Variants in ATP11C observed in about 807,000 individuals in gnomAD.
ATP11C encodes the protein phospholipid-transporting ATPase IG.
ATP11C carries 36 observed loss-of-function variants against 97.4 expected under a neutral mutation model. That is an observed-to-expected ratio of 0.37 (90% CI 0.28 to 0.49). The LOEUF (loss-of-function observed/expected upper bound fraction) is 0.49, where lower values mean the gene tolerates loss of function less well. Among genes scored for constraint, ATP11C ranks in the 20% least tolerant of loss-of-function variants. ATP11C has a pLI of 0.98. For synonymous variants in ATP11C, 275 were observed against 290.9 expected, an observed-to-expected ratio of 0.95 and a Z score of 0.56; for missense variants, 730 against 824.6, an observed-to-expected ratio of 0.89 and a Z score of 1.40.
chrX:139,734,437 G>A (rs972833368), intron 28 of ATP11C, among the ~76,000 whole-genome samples: 3 of 111,354 alleles, frequency 2.7e-5, no homozygotes, highest in East Asian at 2.8e-4. Context: ...AAGCTTCAGC[G>A]AAGTTAAGCC....
In ATP11C at chrX:139,737,793, G is replaced by T. The variant is rs946964757; in HGVS notation, c.3288+123C>A. ...TATGCAGAAGAGGAAATTAAGTGAT[G>T]AACCTGTAAGGAGGGGTTTAACATG... On this transcript the variant is annotated intron_variant, in intron 28 of 29. Coordinates refer to ENST00000682941, the MANE Select transcript of ATP11C (RefSeq NM_001353812.2). The T allele has an allele frequency of 1.4e-6, 1 of 728,613 alleles. No individual in the cohort carries two copies. Among genetic ancestry groups the T allele is most frequent in the Non-Finnish European group, 2.2e-6 (1 of 460,182 alleles). The allele number at this position is 728,613 out of a possible 1,213,427, so 60.0% of individuals were successfully genotyped here. A position where few individuals can be genotyped will look rare whatever the true frequency, so the allele number is the denominator to read the frequency against.
intron 15 of ATP11C, among the ~76,000 whole-genome samples, chrX:139,786,000 A>T (rs2082564994): frequency 9.0e-6 from 1 of 111,523 alleles, no homozygotes; most frequent in South Asian, 3.9e-4. Flanking sequence ...ACTCATCAAT[A>T]GGGGAATAGT....
In ATP11C at chrX:139,763,355, T is replaced by C; in HGVS notation, c.2455A>G (p.Asn819Asp). The change falls in exon 21 of 30, where the codon AAT becomes GAT. Residue 819 changes from asparagine (N) to aspartate (D), a missense_variant. Asn to Asp is a conservative substitution (Grantham distance 23). Coordinates refer to ENST00000682941, the MANE Select transcript of ATP11C (RefSeq NM_001353812.2). ...GATTCCAAGATCATACTAACATCAT[T>C]GGCACCATCACCTATCGACAGAGTT... ...PITLSIGDGA[N>D]DVSMILESHV... 1 of 1,210,846 alleles carries C rather than the reference T, an allele frequency of 8.3e-7. No individual in the cohort carries two copies. Among genetic ancestry groups the C allele is most frequent in the Non-Finnish European group, 1.1e-6 (1 of 894,456 alleles).
chrX:139,740,808 A>T (rs1320317723), intron 27 of ATP11C, among the ~76,000 whole-genome samples, 183 bp downstream of exon 27: 1 of 111,450 alleles, frequency 9.0e-6, no homozygotes. Flanking sequence ...GTGTATTTAA[A>T]ATCTTACCTG....
chrX:139,810,962 G>A (rs749557508), intron 5 of ATP11C, among the ~76,000 whole-genome samples: 1 of 107,520 alleles, frequency 9.3e-6, no homozygotes, highest in African/African-American at 3.4e-5. Flanking sequence ...TGACTACTAA[G>A]CTAAACTATA....
At chrX:139,865,511 C>T (rs2084265718) in intron 1 of ATP11C, among the ~76,000 whole-genome samples, 2 of 111,464 alleles carry the variant, frequency 1.8e-5, no homozygotes, top group African/African-American at 6.5e-5. Context: ...CCTGTAATTC[C>T]AGCACTTTGG....
intron 5 of ATP11C, among the ~76,000 whole-genome samples, chrX:139,810,793 T>A (rs1485004758): frequency 1.8e-5 from 2 of 111,091 alleles, no homozygotes; most frequent in Non-Finnish European, 3.8e-5. Flanking sequence ...ACTCTGCCTC[T>A]CTGAATTTTA....
chrX:139,832,398 A>C, intron 1 of ATP11C: 3 of 828,347 alleles, frequency 3.6e-6, no homozygotes, highest in Non-Finnish European at 4.8e-6. Context: ...TAAGAGCTCA[A>C]AGCAGTACTC....
At chrX:139,735,084 G>A (rs1352263577) in intron 28 of ATP11C, among the ~76,000 whole-genome samples, 1 of 111,619 alleles carries the variant, frequency 9.0e-6, no homozygotes, top group East Asian at 2.8e-4. Context: ...TATAACCAGA[G>A]TGAGAGCTGC....
chrX:139,863,795 C>T (rs993965038), intron 1 of ATP11C, among the ~76,000 whole-genome samples: 1 of 111,540 alleles, frequency 9.0e-6, no homozygotes, highest in African/African-American at 3.3e-5. Flanking sequence ...GGTGTGGTGG[C>T]TCACACCTAT....
chrX:139,787,293 A>AT (rs776609721), intron 14 of ATP11C, 49 bp from the exon 15 acceptor site: 5 of 1,026,971 alleles, frequency 4.9e-6, no homozygotes, highest in East Asian at 6.5e-5. Flanking sequence ...AGAATGATTA[A>AT]TTTTTTTATT....
chrX:139,873,771 T>TAA (rs57477180), intron 1 of ATP11C, among the ~76,000 whole-genome samples: 10 of 99,000 alleles, frequency 1.0e-4, no homozygotes, highest in African/African-American at 3.8e-4. Context: ...TACTACAATT[T>TAA]AAAAAAAAAA....
At chrX:139,844,309 G>A (rs1376809062) in intron 1 of ATP11C, among the ~76,000 whole-genome samples, 1 of 112,470 alleles carries the variant, frequency 8.9e-6, no homozygotes, top group African/African-American at 3.2e-5. Flanking sequence ...AGGGTTGAAT[G>A]CAAGGAGTAG....
intron 27 of ATP11C, 81 bp downstream of exon 27, chrX:139,740,910 T>G (rs1249641824): frequency 5.4e-6 from 3 of 557,522 alleles, no homozygotes; most frequent in Non-Finnish European, 8.8e-6. Flanking sequence ...TAAAGTATAA[T>G]GAATGCTTAC....
chrX:139,908,689 T>C (rs951872034), intron 1 of ATP11C, among the ~76,000 whole-genome samples: 1 of 112,369 alleles, frequency 8.9e-6, no homozygotes, highest in African/African-American at 3.2e-5. Context: ...GACAATAACA[T>C]AAGTTTCTAT....
intron 23 of ATP11C, among the ~76,000 whole-genome samples, chrX:139,756,967 G>GT (rs1247038370): frequency 1.7e-4 from 4 of 23,592 alleles, no homozygotes; most frequent in African/African-American, 6.3e-4. Flanking sequence ...GAACCTAAAA[G>GT]TAAAAAAAAA....
intron 1 of ATP11C, among the ~76,000 whole-genome samples, chrX:139,870,158 T>C (rs1167872941): frequency 1.8e-5 from 2 of 111,839 alleles, no homozygotes; most frequent in Admixed American, 9.5e-5. Flanking sequence ...TGTATGCATA[T>C]GTACAAACTC....
rs112616265 is a variant in ATP11C, at chrX:139,925,523, T to A, written c.27+6493A>T. On this transcript the variant is annotated intron_variant, in intron 1 of 29. Coordinates refer to ENST00000682941, the MANE Select transcript of ATP11C (RefSeq NM_001353812.2). ...CCTAAACTGATCATTCTTCATCTGT[T>A]ATTACTGACTCAGACTGTGTTACCA... Among the ~76,000 whole-genome samples the A allele has an allele frequency of 3.6e-3, 333 of 93,453 alleles. 2 individuals carry two copies. The highest frequency in any genetic ancestry group is 0.011 in the African/African-American group (284 of 26,629). 81.2% of individuals were successfully genotyped at this position (93,453 alleles called of 115,157 possible).
upstream of ATP11C, chrX:139,933,072 G>T (rs1226545245): frequency 2.7e-5 from 3 of 111,622 alleles, no homozygotes; most frequent in African/African-American, 9.8e-5. Flanking sequence ...TGCGCAGCGG[G>T]GCGGGATTTC....
Sources: allele counts gnomAD v4.1 joint callset (sites outside exome capture counted in the v4.1 genomes callset), GRCh38; gene constraint gnomAD v4.1.1; transcripts MANE v1.5; gene names NCBI Gene and HGNC (gene_info 2026-07-23, HGNC 2026-07-21).